Variants in MALRD1 observed in about 807,000 individuals in gnomAD.
MALRD1 encodes the protein MAM and LDL receptor class A domain containing 1, also known as MAM and LDL-receptor class A domain-containing protein 1.
Under a neutral mutation model 242.1 loss-of-function variants are expected in MALRD1, and 247 were observed. The ratio of observed to expected loss-of-function variants is 1.02; its 90% CI spans 0.92 to 1.13. The LOEUF (loss-of-function observed/expected upper bound fraction) is 1.13, where lower values mean the gene tolerates loss of function less well. MALRD1 is among the 50% of genes most tolerant of loss of function. The probability of loss-of-function intolerance (pLI) is 0.00; values close to 1 mark genes in which losing one functional copy is unlikely to be tolerated. For synonymous variants in MALRD1, 995 were observed against 866.6 expected, an observed-to-expected ratio of 1.15 and a Z score of -2.60; for missense variants, 2,989 against 2,533.1, an observed-to-expected ratio of 1.18 and a Z score of -3.86.
At chr10:19,656,847 C>T (rs544318386) in intron 36 of MALRD1, among the ~76,000 whole-genome samples, 15 of 152,292 alleles carry the variant, frequency 9.8e-5, no homozygotes, top group African/African-American at 2.9e-4. Flanking sequence ...ATGACACACA[C>T]AGTGTCATTT....
intron 31 of MALRD1, among the ~76,000 whole-genome samples, chr10:19,520,823 T>C (rs1833847353): frequency 6.6e-6 from 1 of 152,188 alleles, no homozygotes; most frequent in African/African-American, 2.4e-5. Context: ...CAAACAGTAA[T>C]TTTCATTTTG....
rs144048495 is a variant in MALRD1, at chr10:19,300,038, A to C, written c.3419+16857A>C. On this transcript the variant is annotated intron_variant, in intron 21 of 39. Transcript: ENST00000454679. ...TAGCAAAATTTCAGGATACAAAATCAATGTACAAAAGTCAGTAACATTTCT... is the reference window on the plus strand; with the variant it reads ...TAGCAAAATTTCAGGATACAAAATCCATGTACAAAAGTCAGTAACATTTCT... Among the ~76,000 whole-genome samples, 449 of 152,114 alleles carry C rather than the reference A, an allele frequency of 3.0e-3. 3 individuals carry two copies. The highest frequency in any genetic ancestry group is 0.01 in the African/African-American group (436 of 41,528).
intron 1 of MALRD1, among the ~76,000 whole-genome samples, chr10:19,054,540 T>C (rs1281468573): frequency 6.6e-6 from 1 of 152,208 alleles, no homozygotes; most frequent in Non-Finnish European, 1.5e-5. Context: ...ACTTTGTGAC[T>C]TTTATTATCT....
intron 33 of MALRD1, 137 bp downstream of exon 33, chr10:19,567,840 C>G (rs4747377): frequency 0.87 from 641,905 of 742,050 alleles, 277,993 homozygotes; most frequent in East Asian, 0.92. Context: ...GTCACATATA[C>G]TAAGAAGTAA....
At chr10:19,278,875 A>G (rs1472997553) in intron 19 of MALRD1, among the ~76,000 whole-genome samples, 2 of 152,248 alleles carry the variant, frequency 1.3e-5, no homozygotes, top group Non-Finnish European at 2.9e-5. Flanking sequence ...GCAAATTGAT[A>G]TAATAAGCAA....
intron 18 of MALRD1, among the ~76,000 whole-genome samples, chr10:19,216,929 G>C (rs1031435388): frequency 6.8e-6 from 1 of 146,408 alleles, no homozygotes; most frequent in African/African-American, 2.6e-5. Flanking sequence ...CTGGGTGACA[G>C]AGCGAGACTC....
intron 14 of MALRD1, among the ~76,000 whole-genome samples, chr10:19,195,052 G>A (rs1483830707): frequency 4.1e-5 from 5 of 122,506 alleles, no homozygotes; most frequent in Non-Finnish European, 9.3e-5. Context: ...CCCAGGATGT[G>A]GAATCATCCT....
At chr10:19,660,599 G>C (rs998573109) in intron 36 of MALRD1, among the ~76,000 whole-genome samples, 1 of 152,064 alleles carries the variant, frequency 6.6e-6, no homozygotes, top group South Asian at 2.1e-4. Flanking sequence ...AAGTAGTTTT[G>C]TTTTATTTTG....
At chr10:19,277,586 A>G (rs938585246) in intron 19 of MALRD1, among the ~76,000 whole-genome samples, 6 of 152,308 alleles carry the variant, frequency 3.9e-5, no homozygotes, top group South Asian at 4.1e-4. Flanking sequence ...TCTCCTTGCT[A>G]TAGTTTCACA....
At chr10:19,692,055 T>C (rs541785503) in intron 36 of MALRD1, among the ~76,000 whole-genome samples, 1 of 152,212 alleles carries the variant, frequency 6.6e-6, no homozygotes, top group African/African-American at 2.4e-5. Context: ...CCTTATAAAG[T>C]CAAGAAGATG....
intron 36 of MALRD1, among the ~76,000 whole-genome samples, chr10:19,649,273 G>A (rs1254585590): frequency 6.6e-6 from 1 of 152,168 alleles, no homozygotes; most frequent in Non-Finnish European, 1.5e-5. Flanking sequence ...TTGCTGGGTT[G>A]AATGGTAGTT....
chr10:19,209,360 A>G lies in MALRD1; in HGVS notation c.2671A>G (p.Thr891Ala). ...DFDWTRSQGP[T>A]PTLNTGPMKD... ...TGATTGGACCAGGAGCCAGGGTCCA[A>G]CTCCAACACTTAACACAGGGCCAAT... Residue 891 changes from threonine (T) to alanine (A), a missense_variant, in exon 18 of 40, where the codon ACT (threonine) becomes GCT (alanine). Physicochemically the swap from Thr to Ala is moderately conservative, Grantham distance 58. Transcript: ENST00000454679. 1 of 1,550,766 alleles carries G rather than the reference A, an allele frequency of 6.4e-7. No homozygotes were observed. Among genetic ancestry groups the G allele is most frequent in the Non-Finnish European group, 8.7e-7 (1 of 1,147,026 alleles).
At chr10:19,313,475 T>C (rs891425148) in intron 21 of MALRD1, among the ~76,000 whole-genome samples, 101 of 151,360 alleles carry the variant, frequency 6.7e-4, no homozygotes, top group Non-Finnish European at 1.3e-3. Flanking sequence ...GAGACTTTTT[T>C]CCCCAAAATA....
intron 28 of MALRD1, among the ~76,000 whole-genome samples, chr10:19,410,174 G>A (rs139481234): frequency 3.7e-4 from 56 of 152,164 alleles, no homozygotes; most frequent in African/African-American, 1.3e-3. Flanking sequence ...CCTCATTTAA[G>A]CAATTCTTAA....
intron 14 of MALRD1, among the ~76,000 whole-genome samples, chr10:19,192,243 G>A (rs375337508): frequency 8.5e-5 from 13 of 152,154 alleles, no homozygotes; most frequent in African/African-American, 2.9e-4. Context: ...GATGAAAAGA[G>A]TTTTGGACAT....
intron 36 of MALRD1, among the ~76,000 whole-genome samples, chr10:19,628,439 T>G (rs1663078470): frequency 6.6e-6 from 1 of 152,146 alleles, no homozygotes; most frequent in African/African-American, 2.4e-5. Flanking sequence ...ATGTAACACT[T>G]TTTTAAAATA....
At chr10:19,730,963 T>G (rs17676071) in intron 39 of MALRD1, among the ~76,000 whole-genome samples, 182 bp downstream of exon 39, 3,128 of 152,330 alleles carry the variant, frequency 0.021, 54 homozygotes, top group Admixed American at 0.043. Flanking sequence ...AAATATGCTG[T>G]GAGAATTGTC....
chr10:19,157,605 G>C (rs763996241), intron 12 of MALRD1, among the ~76,000 whole-genome samples: 2 of 152,076 alleles, frequency 1.3e-5, no homozygotes, highest in African/African-American at 2.4e-5. Flanking sequence ...TTACCTTCTT[G>C]GGTAACTGGA....
intron 19 of MALRD1, among the ~76,000 whole-genome samples, chr10:19,273,616 A>G (rs1214039950): frequency 6.6e-6 from 1 of 152,232 alleles, no homozygotes; most frequent in African/African-American, 2.4e-5. Context: ...TAAGCAGAAG[A>G]AGCCAATATG....
Sources: gnomAD v4.1 joint callset for allele counts (sites outside exome capture counted in the v4.1 genomes callset) on GRCh38, gnomAD v4.1.1 for gene constraint, MANE v1.5 for transcripts, NCBI Gene and HGNC (gene_info 2026-07-23, HGNC 2026-07-21) for gene names.